The following CAMK4 variants were observed in gnomAD, a reference collection of about 807,000 sequenced individuals.
CAMK4 encodes the protein calcium/calmodulin dependent protein kinase IV, also known as calcium/calmodulin-dependent protein kinase type IV.
In CAMK4, 22 loss-of-function variants were observed where a neutral mutation model predicts 44.9. The observed-to-expected ratio is 0.49, with a 90% confidence interval of 0.35 to 0.70. The LOEUF (loss-of-function observed/expected upper bound fraction) is 0.70, where lower values mean the gene tolerates loss of function less well. Ranked by LOEUF, CAMK4 falls within the 30% of genes least tolerant of loss-of-function variation. CAMK4 has a pLI of 0.01. For synonymous variants in CAMK4, 218 were observed against 215.4 expected, an observed-to-expected ratio of 1.01 and a Z score of -0.11; for missense variants, 498 against 586.8, an observed-to-expected ratio of 0.85 and a Z score of 1.56.
chr5:111,370,196 G>C (rs1042602064), intron 2 of CAMK4, among the ~76,000 whole-genome samples: 15 of 152,252 alleles, frequency 9.9e-5, no homozygotes, highest in Admixed American at 9.8e-4. Flanking sequence ...GATTTTACCA[G>C]AAGTTTGCTA....
intron 1 of CAMK4, among the ~76,000 whole-genome samples, chr5:111,272,119 TTGTG>T (rs760290469): frequency 6.7e-6 from 1 of 148,572 alleles, no homozygotes; most frequent in African/African-American, 2.5e-5. Context: ...GTGTGTGTGT[TTGTG>T]TGTGTGTGTG....
At chr5:111,386,004 C>G (rs537713572) in intron 4 of CAMK4, among the ~76,000 whole-genome samples, 26 of 152,274 alleles carry the variant, frequency 1.7e-4, no homozygotes, top group Non-Finnish European at 2.8e-4. Context: ...GCTCCCTGGC[C>G]AGCACCCACA....
chr5:111,288,976 C>T (rs1751340300), intron 1 of CAMK4, among the ~76,000 whole-genome samples: 1 of 152,226 alleles, frequency 6.6e-6, no homozygotes, highest in Non-Finnish European at 1.5e-5. Flanking sequence ...AATTTTCTTA[C>T]ACTTCTGGGT....
chr5:111,338,066 A>G (rs1749482850), intron 1 of CAMK4, among the ~76,000 whole-genome samples: 2 of 151,188 alleles, frequency 1.3e-5, no homozygotes, highest in African/African-American at 2.4e-5. Flanking sequence ...CTTGTTTGCC[A>G]GCCATACATT....
intron 7 of CAMK4, among the ~76,000 whole-genome samples, chr5:111,455,327 A>G (rs1448052104): frequency 6.6e-6 from 1 of 152,186 alleles, no homozygotes; most frequent in East Asian, 1.9e-4. Flanking sequence ...CATATATTTC[A>G]TATATACTAT....
At chr5:111,460,643 A>G (rs1449260751) in intron 7 of CAMK4, among the ~76,000 whole-genome samples, 1 of 152,128 alleles carries the variant, frequency 6.6e-6, no homozygotes, top group African/African-American at 2.4e-5. Context: ...AGATAGGTTT[A>G]TTTATTTTAT....
intron 5 of CAMK4, among the ~76,000 whole-genome samples, chr5:111,443,553 C>G (rs1480993393): frequency 6.6e-6 from 1 of 151,536 alleles, no homozygotes; most frequent in African/African-American, 2.4e-5. Flanking sequence ...AACTTTCCTT[C>G]CTTTATCTAG....
chr5:111,399,657 A>G (rs1752150043), intron 5 of CAMK4, among the ~76,000 whole-genome samples: 1 of 152,248 alleles, frequency 6.6e-6, no homozygotes, highest in Non-Finnish European at 1.5e-5. Flanking sequence ...CGAGCCATGT[A>G]CTAAACATCT....
At chr5:111,285,964 T>C (rs557867735) in intron 1 of CAMK4, among the ~76,000 whole-genome samples, 1 of 152,300 alleles carries the variant, frequency 6.6e-6, no homozygotes, top group African/African-American at 2.4e-5. Context: ...GTTAGTAGCA[T>C]TGCTACCATG....
intron 1 of CAMK4, among the ~76,000 whole-genome samples, chr5:111,243,770 C>T (rs1400115121): frequency 6.6e-6 from 1 of 152,124 alleles, no homozygotes; most frequent in African/African-American, 2.4e-5. Flanking sequence ...TACAAAGGGG[C>T]ACTGCTGGGG....
chr5:111,344,037 A>G lies in CAMK4; in HGVS notation c.175A>G (p.Ile59Val), dbSNP rs755524875. 11 of 1,600,570 alleles carry G rather than the reference A, an allele frequency of 6.9e-6. No individual in the cohort carries two copies. Among genetic ancestry groups the G allele is most frequent in the Non-Finnish European group, 9.4e-6 (11 of 1,168,914 alleles). The stretch of plus-strand genomic sequence containing the variant: ...TTCCCCCTCAAGGGGTGCTACATCC[A>G]TTGTGTACAGATGCAAACAGAAGGG... ...ESELGRGATSIVYRCKQKGTQ... is the reference protein window; with the variant it reads ...ESELGRGATSVVYRCKQKGTQ... The change falls in exon 2 of 11, where the codon ATT becomes GTT. Residue 59 changes from isoleucine to valine, a missense_variant. Coordinates refer to ENST00000282356, the MANE Select transcript of CAMK4 (RefSeq NM_001744.6).
intron 7 of CAMK4, among the ~76,000 whole-genome samples, chr5:111,469,157 AAAAAAAAAAAAAAAAATATATAT>A (rs1489037539): frequency 8.8e-5 from 7 of 79,190 alleles, no homozygotes; most frequent in Admixed American, 2.6e-4. Context: ...AAAAAAAAAA[AAAAAAAAAAAAAAAAATATATAT>A]ATATATATAT....
intron 1 of CAMK4, among the ~76,000 whole-genome samples, chr5:111,229,664 A>G (rs536297545): frequency 2.4e-4 from 36 of 152,310 alleles, no homozygotes; most frequent in African/African-American, 8.4e-4. Flanking sequence ...GGGTAGGTAT[A>G]CTGCTGGCTT....
intron 5 of CAMK4, among the ~76,000 whole-genome samples, chr5:111,426,646 CA>C (rs1315184923): frequency 1.3e-5 from 2 of 152,088 alleles, no homozygotes; most frequent in African/African-American, 4.8e-5. Context: ...ACCCCTCCCC[CA>C]CCCCCAATGG....
At chr5:111,281,788 G>C (rs960775395) in intron 1 of CAMK4, among the ~76,000 whole-genome samples, 1 of 152,190 alleles carries the variant, frequency 6.6e-6, no homozygotes, top group Non-Finnish European at 1.5e-5. Context: ...GCCGGGCGCG[G>C]TGGCTCACGC....
intron 1 of CAMK4, among the ~76,000 whole-genome samples, chr5:111,269,189 T>C (rs1047982833): frequency 6.6e-6 from 1 of 152,216 alleles, no homozygotes; most frequent in Non-Finnish European, 1.5e-5. Flanking sequence ...CCTACTGTTC[T>C]GTATGTGAGC....
chr5:111,443,279 T>TATATATATATAC (rs1401315422), intron 5 of CAMK4, among the ~76,000 whole-genome samples: 2 of 37,464 alleles, frequency 5.3e-5, no homozygotes, highest in Non-Finnish European at 1.1e-4. Flanking sequence ...TATATATATA[T>TATATATATATAC]ACACACACAC....
chr5:111,316,480 T>G (rs1748428764), intron 1 of CAMK4, among the ~76,000 whole-genome samples: 1 of 152,186 alleles, frequency 6.6e-6, no homozygotes, highest in Non-Finnish European at 1.5e-5. Context: ...TGACTTTTTC[T>G]TTTAACTCTG....
At chr5:111,445,480 G>A (rs2018014) in intron 5 of CAMK4, among the ~76,000 whole-genome samples, 50,984 of 151,908 alleles carry the variant, frequency 0.34, 10,205 homozygotes, top group Middle Eastern at 0.5. Flanking sequence ...CCAGGCTGGA[G>A]TGCAGTGGCA....
Sources: gnomAD v4.1 joint callset for allele counts (sites outside exome capture counted in the v4.1 genomes callset) on GRCh38, gnomAD v4.1.1 for gene constraint, MANE v1.5 for transcripts, NCBI Gene and HGNC (gene_info 2026-07-23, HGNC 2026-07-21) for gene names.